LIG1: variants seen among roughly 807,000 people sequenced by gnomAD.
The protein encoded by LIG1 is DNA ligase 1.
LIG1 carries 70 observed loss-of-function variants against 115.7 expected under a neutral mutation model. The observed-to-expected ratio is 0.60, with a 90% CI of 0.50 to 0.74. The LOEUF is 0.74. Among genes scored for constraint, LIG1 ranks in the 30% least tolerant of loss-of-function variants. LIG1 has a pLI of 0.00. For synonymous variants in LIG1, 487 were observed against 495.3 expected, an observed-to-expected ratio of 0.98 and a Z score of 0.22; for missense variants, 1,115 against 1,225.6, an observed-to-expected ratio of 0.91 and a Z score of 1.35.
Position 48,137,619 on chromosome 19 carries a change from C to T in LIG1, c.1157G>A (p.Ser386Asn), listed in dbSNP as rs758090395. 1.9e-6 allele frequency: 3 copies of T among 1,612,012 alleles called. No individual in the cohort carries two copies. Among genetic ancestry groups the T allele is most frequent in the Middle Eastern group, 1.6e-4 (1 of 6,062 alleles). ...KGDVGLVAEN[S>N]RSTQRLMLPP... ...CAGCATGAGCCTCTGGGTGCTGCGG[C>T]TGTTCTCGGCCACCAGCCCCACGTC... The change falls in exon 13 of 28, where the codon AGC becomes AAC. Residue 386 changes from serine to asparagine, a missense_variant. By Grantham distance (46) the Ser-to-Asn change is conservative. Transcript: ENST00000263274. This position sits in a 1 kb window ranked among gnomAD's most constrained non-coding sequence, Gnocchi z 4.3.
chr19:48,153,610 C>T (rs1317051805), intron 6 of LIG1, among the ~76,000 whole-genome samples: 4 of 150,250 alleles, frequency 2.7e-5, no homozygotes, highest in Non-Finnish European at 4.4e-5. Context: ...ATCCTGAGCT[C>T]TCAGGCCCCT....
chr19:48,123,123 C>T (rs779865980), intron 22 of LIG1, 51 bp downstream of exon 22: 30 of 1,612,604 alleles, frequency 1.9e-5, no homozygotes, highest in Middle Eastern at 1.6e-4. Context: ...GCTGGGAGGC[C>T]GGGGTCAGCG....
intron 17 of LIG1, chr19:48,133,375 C>T: frequency 2.1e-6 from 1 of 467,922 alleles, no homozygotes; most frequent in South Asian, 2.2e-5. Flanking sequence ...CCCCTCCCTC[C>T]TCTGCGTCCC....
chr19:48,130,725 CTCTT>C (rs953681296), intron 19 of LIG1, among the ~76,000 whole-genome samples: 14 of 152,312 alleles, frequency 9.2e-5, no homozygotes, highest in African/African-American at 2.9e-4. Flanking sequence ...TCCCTTTTCC[CTCTT>C]TCTGTCTGGA....
intron 6 of LIG1, among the ~76,000 whole-genome samples, 188 bp downstream of exon 6, chr19:48,153,684 A>C (rs1599850249): frequency 8.4e-6 from 1 of 118,966 alleles, no homozygotes; most frequent in East Asian, 2.4e-4. Context: ...ACACACACAC[A>C]CACACACCTC....
At chr19:48,123,392 C>A in intron 21 of LIG1, 74 bp from the exon 22 acceptor site, 1 of 1,550,090 alleles carries the variant, frequency 6.5e-7, no homozygotes, top group South Asian at 1.1e-5. Context: ...AAATGTGAGG[C>A]GAACAGGACA....
intron 21 of LIG1, among the ~76,000 whole-genome samples, chr19:48,123,893 A>G (rs1357072449): frequency 2.0e-5 from 3 of 152,202 alleles, no homozygotes; most frequent in Admixed American, 6.5e-5. Context: ...TTAGAATTCC[A>G]AAAGTTTTCA....
chr19:48,153,993 T>A, intron 5 of LIG1, 26 bp from the exon 6 acceptor site: 4 of 1,598,744 alleles, frequency 2.5e-6, no homozygotes, highest in Non-Finnish European at 3.4e-6. Context: ...GCTTGGTGTA[T>A]CTGACCTCGC....
chr19:48,124,577 C>T (rs1033353049), intron 21 of LIG1, among the ~76,000 whole-genome samples: 7 of 152,194 alleles, frequency 4.6e-5, no homozygotes, highest in African/African-American at 1.7e-4. Context: ...AAGACTTAAT[C>T]CAAGAAAAGA....
intron 9 of LIG1, among the ~76,000 whole-genome samples, chr19:48,145,643 C>T (rs150861554): frequency 5.3e-5 from 8 of 152,146 alleles, no homozygotes; most frequent in Non-Finnish European, 7.4e-5. Flanking sequence ...AAGCGGTGGC[C>T]GGCATTACAA....
At chr19:48,125,422 G>A (rs779810200) in intron 21 of LIG1, among the ~76,000 whole-genome samples, 2 of 152,110 alleles carry the variant, frequency 1.3e-5, no homozygotes, top group African/African-American at 2.4e-5. Flanking sequence ...TGAAATTGGG[G>A]GTTTGAGCAT....
chr19:48,153,192 C>CAAAA (rs776965171), intron 6 of LIG1, among the ~76,000 whole-genome samples: 4 of 64,410 alleles, frequency 6.2e-5, no homozygotes, highest in South Asian at 5.9e-4. Flanking sequence ...GAGACTGTCT[C>CAAAA]AAAAAAAAAA....
intron 11 of LIG1, among the ~76,000 whole-genome samples, chr19:48,142,433 ACTCCATCTC>A: frequency 7.0e-6 from 1 of 142,954 alleles, no homozygotes. Flanking sequence ...ACAGAGCAAG[ACTCCATCTC>A]AAAAAAAAAA....
intron 21 of LIG1, chr19:48,127,010 G>A (rs552985873): frequency 6.6e-5 from 33 of 500,868 alleles, no homozygotes; most frequent in Admixed American, 9.7e-5. Context: ...GTGCTTCTAC[G>A]ACACACTCTT....
chr19:48,131,311 TCTC>T (rs2122535263), intron 18 of LIG1, 140 bp from the exon 19 acceptor site: 1 of 669,600 alleles, frequency 1.5e-6, no homozygotes, highest in East Asian at 2.7e-5. Context: ...GAGCGAATCA[TCTC>T]CTCAGTTCCA....
intron 18 of LIG1, 115 bp downstream of exon 18, chr19:48,132,867 G>T: frequency 1.3e-6 from 1 of 764,984 alleles, no homozygotes; most frequent in South Asian, 1.4e-5. Flanking sequence ...AGAGATGAGC[G>T]AGGGCTCGGC....
intron 14 of LIG1, among the ~76,000 whole-genome samples, 190 bp downstream of exon 14, chr19:48,136,818 A>G (rs576582603): frequency 6.6e-6 from 1 of 152,316 alleles, no homozygotes; most frequent in East Asian, 1.9e-4. Context: ...AGCACTACCA[A>G]GGGACAGAAG....
intron 25 of LIG1, 196 bp from the exon 26 acceptor site, chr19:48,117,977 G>A (rs533356564): frequency 3.2e-6 from 2 of 625,474 alleles, no homozygotes; most frequent in Admixed American, 5.7e-5. Flanking sequence ...GAAACAGAAA[G>A]TGAAAGAAGG....
At chr19:48,146,604 C>T (rs536368523) in intron 9 of LIG1, among the ~76,000 whole-genome samples, 55 of 152,266 alleles carry the variant, frequency 3.6e-4, no homozygotes, top group African/African-American at 1.3e-3. Flanking sequence ...CACTTGAACC[C>T]GGGAGGTGGA....
Sources: allele counts gnomAD v4.1 joint callset (sites outside exome capture counted in the v4.1 genomes callset), GRCh38; gene constraint gnomAD v4.1.1; non-coding constraint Gnocchi (gnomAD v3.1); transcripts MANE v1.5; gene names NCBI Gene and HGNC (gene_info 2026-07-23, HGNC 2026-07-21).